Variants in RORA observed in about 807,000 individuals in gnomAD.
RORA encodes the protein RAR related orphan receptor A.
In RORA, 7 loss-of-function variants were observed where a neutral mutation model predicts 69.5. The observed-to-expected ratio is 0.10, with a 90% CI of 0.06 to 0.19. The LOEUF is 0.19. Among genes scored for constraint, RORA ranks in the 10% least tolerant of loss-of-function variants. The probability of loss-of-function intolerance (pLI) is 1.00; values close to 1 mark genes in which losing one functional copy is unlikely to be tolerated. For synonymous variants in RORA, 261 were observed against 240.8 expected, an observed-to-expected ratio of 1.08 and a Z score of -0.78; for missense variants, 457 against 663.0, an observed-to-expected ratio of 0.69 and a Z score of 3.41.
intron 1 of RORA, among the ~76,000 whole-genome samples, chr15:61,171,406 CCA>C (rs572822742): frequency 3.3e-5 from 5 of 152,180 alleles, no homozygotes; most frequent in Non-Finnish European, 5.9e-5. Context: ...GGCCCCACCC[CCA>C]GAGTTCAGTA....
At chr15:60,870,302 G>A (rs2140434910) in intron 1 of RORA, among the ~76,000 whole-genome samples, 2 of 152,198 alleles carry the variant, frequency 1.3e-5, no homozygotes, top group East Asian at 3.9e-4. Context: ...CCTATGAGGG[G>A]GAATTAGACA....
chr15:60,632,359 G>A (rs1567134659), intron 2 of RORA, among the ~76,000 whole-genome samples: 1 of 151,880 alleles, frequency 6.6e-6, no homozygotes. Context: ...TGCCCGCCTC[G>A]GCCTCCCAAA....
intron 1 of RORA, among the ~76,000 whole-genome samples, chr15:61,176,881 TA>T: frequency 6.6e-6 from 1 of 152,314 alleles, no homozygotes; most frequent in Non-Finnish European, 1.5e-5. Flanking sequence ...GGTTTTAACA[TA>T]AATGTTCATG....
chr15:60,502,967 G>T (rs1309806968), intron 7 of RORA, 100 bp from the exon 8 acceptor site: 2 of 821,176 alleles, frequency 2.4e-6, no homozygotes, highest in Non-Finnish European at 4.3e-6. Context: ...CAACAGCATG[G>T]TGGGTGTCGT....
intron 1 of RORA, among the ~76,000 whole-genome samples, chr15:61,169,603 T>C (rs1264247792): frequency 6.6e-6 from 1 of 151,604 alleles, no homozygotes; most frequent in East Asian, 1.9e-4. Flanking sequence ...GATGTTTCTT[T>C]ATTGTTGTCT....
At chr15:60,689,831 A>C (rs1197526557) in intron 1 of RORA, among the ~76,000 whole-genome samples, 1 of 152,180 alleles carries the variant, frequency 6.6e-6, no homozygotes, top group East Asian at 1.9e-4. Flanking sequence ...ATTTCTAGCA[A>C]CTACCAGAAG....
chr15:60,755,752 C>T (rs899229132), intron 1 of RORA, among the ~76,000 whole-genome samples: 3 of 152,160 alleles, frequency 2.0e-5, no homozygotes, highest in African/African-American at 4.8e-5. Flanking sequence ...TTCATGGAAA[C>T]GATCTGCCTT....
intron 2 of RORA, among the ~76,000 whole-genome samples, chr15:60,649,981 C>T (rs778568127): frequency 6.6e-6 from 1 of 152,140 alleles, no homozygotes; most frequent in Non-Finnish European, 1.5e-5. Context: ...TCTGTTCACA[C>T]GTTTTGAGGT....
At chr15:60,806,082 A>T (rs530854679) in intron 1 of RORA, among the ~76,000 whole-genome samples, 1 of 152,200 alleles carries the variant, frequency 6.6e-6, no homozygotes, top group Non-Finnish European at 1.5e-5. Context: ...ATCCCTCATA[A>T]GCATTTTAGG....
At chr15:61,189,027 G>A (rs1269800271) in intron 1 of RORA, among the ~76,000 whole-genome samples, 1 of 152,064 alleles carries the variant, frequency 6.6e-6, no homozygotes, top group Non-Finnish European at 1.5e-5. Flanking sequence ...AGAACAGTAT[G>A]AAAAAATACA....
chr15:61,114,654 CT>C (rs1375013540), intron 1 of RORA, among the ~76,000 whole-genome samples: 2 of 152,188 alleles, frequency 1.3e-5, no homozygotes, highest in African/African-American at 4.8e-5. Context: ...TGAAAAATGG[CT>C]TAGCAAGATG....
chr15:60,603,516 A>C (rs1016686118), intron 2 of RORA, among the ~76,000 whole-genome samples: 1 of 152,244 alleles, frequency 6.6e-6, no homozygotes, highest in Admixed American at 6.5e-5. Context: ...TGAATTTTAA[A>C]AGACAAAATT....
chr15:61,132,485 T>C (rs1359283102), intron 1 of RORA, among the ~76,000 whole-genome samples: 1 of 152,244 alleles, frequency 6.6e-6, no homozygotes, highest in Non-Finnish European at 1.5e-5. Flanking sequence ...AAAAGACTTT[T>C]ATCCTTCTTT....
At chr15:61,216,407 A>G (rs927685748) in intron 1 of RORA, among the ~76,000 whole-genome samples, 3 of 152,250 alleles carry the variant, frequency 2.0e-5, no homozygotes, top group African/African-American at 7.2e-5. Flanking sequence ...TTACATTACA[A>G]GTGAAAGACT....
At chr15:61,005,990 G>T (rs972948267) in intron 1 of RORA, among the ~76,000 whole-genome samples, 1 of 151,656 alleles carries the variant, frequency 6.6e-6, no homozygotes, top group African/African-American at 2.4e-5. Flanking sequence ...TTTTTTTTGA[G>T]AAGGAGTCTC....
rs2065488567 is a variant in RORA, at chr15:60,506,001, T to G, written c.821-372A>C. On this transcript the variant is annotated intron_variant, in intron 5 of 10. Coordinates refer to ENST00000335670, the MANE Select transcript of RORA (RefSeq NM_134261.3). The stretch of plus-strand genomic sequence containing the variant: ...TGAAGACACATCTGCCACATAACAT[T>G]GACCTGGGAAGGATTATTCTTATTC... 3.3e-5 allele frequency among the ~76,000 whole-genome samples: 5 copies of G among 152,236 alleles called. No individual in the cohort carries two copies. The South Asian group carries it at 1.0e-3, about 32-fold the overall frequency.
chr15:60,575,458 A>G (rs560947154), intron 2 of RORA, among the ~76,000 whole-genome samples: 1 of 152,254 alleles, frequency 6.6e-6, no homozygotes, highest in Non-Finnish European at 1.5e-5. Flanking sequence ...GAGAATAAAC[A>G]AAATGTTTAG....
At chr15:60,978,736 A>G (rs1893946509) in intron 1 of RORA, among the ~76,000 whole-genome samples, 1 of 152,172 alleles carries the variant, frequency 6.6e-6, no homozygotes, top group African/African-American at 2.4e-5. Context: ...ATTCTTTTGC[A>G]GGTGGCTATC....
chr15:60,736,542 G>A (rs897202445), intron 1 of RORA, among the ~76,000 whole-genome samples: 1 of 152,104 alleles, frequency 6.6e-6, no homozygotes, highest in African/African-American at 2.4e-5. Flanking sequence ...ACTCTGATCT[G>A]ATATATATTT....
Sources: gnomAD v4.1 joint callset for allele counts (sites outside exome capture counted in the v4.1 genomes callset) on GRCh38, gnomAD v4.1.1 for gene constraint, MANE v1.5 for transcripts, NCBI Gene and HGNC (gene_info 2026-07-23, HGNC 2026-07-21) for gene names.